Variants in CWC27 observed in about 807,000 individuals in gnomAD.
CWC27 encodes CWC27 spliceosome associated cyclophilin.
In CWC27, 47 loss-of-function variants were observed where a neutral mutation model predicts 63.6. The observed-to-expected ratio is 0.74, with a 90% CI of 0.58 to 0.94. The LOEUF is 0.94. CWC27 is among the 40% of genes least tolerant of loss of function. CWC27 has a pLI of 0.00. For missense variants in CWC27, 495 were observed against 554.3 expected, an observed-to-expected ratio of 0.89 and a Z score of 1.07; for synonymous variants, 175 against 179.8, an observed-to-expected ratio of 0.97 and a Z score of 0.22.
At chr5:65,004,327 C>A (rs1749787503) in intron 13 of CWC27, among the ~76,000 whole-genome samples, 2 of 148,824 alleles carry the variant, frequency 1.3e-5, no homozygotes, top group Non-Finnish European at 3.0e-5. Flanking sequence ...TTCTGAAATT[C>A]CCAGAATTCT....
rs1256641979 is a variant in CWC27 at position 64,847,522 on chromosome 5, CT to C, written c.939-37917del. Among the ~76,000 whole-genome samples, 11 of 152,286 alleles carry C rather than the reference CT, an allele frequency of 7.2e-5. No individual in the cohort carries two copies. The East Asian group carries it at 2.1e-3, about 29-fold the overall frequency. The stretch of plus-strand genomic sequence containing the variant: ...AAGGAAACACTGGACTGTAACAATA[CT>C]TTTGACCAAAGGGACCTCACAGACA... On this transcript the variant is annotated intron_variant, in intron 10 of 13. Coordinates refer to ENST00000381070, the MANE Select transcript of CWC27 (RefSeq NM_005869.4).
intron 10 of CWC27, among the ~76,000 whole-genome samples, chr5:64,858,553 G>A (rs944917703): frequency 6.6e-5 from 10 of 151,750 alleles, no homozygotes; most frequent in Non-Finnish European, 1.2e-4. Flanking sequence ...TAAAAGATTT[G>A]TATCTAGAAT....
At chr5:64,848,860 GA>G (rs1431954201) in intron 10 of CWC27, among the ~76,000 whole-genome samples, 1 of 152,132 alleles carries the variant, frequency 6.6e-6, no homozygotes, top group Non-Finnish European at 1.5e-5. Flanking sequence ...CCATGTAAGA[GA>G]AGCCTACAGC....
chr5:64,928,451 C>G (rs892526165), intron 11 of CWC27, among the ~76,000 whole-genome samples: 2 of 152,124 alleles, frequency 1.3e-5, no homozygotes, highest in Non-Finnish European at 2.9e-5. Context: ...CTAAAGACTT[C>G]AAATAAACTT....
chr5:64,851,739 A>G (rs1455974344), intron 10 of CWC27, among the ~76,000 whole-genome samples: 3 of 152,172 alleles, frequency 2.0e-5, no homozygotes, highest in African/African-American at 7.2e-5. Flanking sequence ...ACTTAGCTAT[A>G]TGATTTAATT....
intron 12 of CWC27, among the ~76,000 whole-genome samples, chr5:64,976,258 C>G (rs76280507): frequency 1.3e-5 from 2 of 151,954 alleles, no homozygotes; most frequent in African/African-American, 4.8e-5. Context: ...TCTATCGTCC[C>G]AGGATAGGAA....
chr5:64,843,087 G>C (rs1745887000), intron 10 of CWC27, among the ~76,000 whole-genome samples: 1 of 152,178 alleles, frequency 6.6e-6, no homozygotes, highest in Admixed American at 6.5e-5. Flanking sequence ...TGATTTATCT[G>C]TGTTTTTCTA....
chr5:65,009,521 A>G lies in CWC27; in HGVS notation c.1257-8638A>G, dbSNP rs751779852. 1.7e-4 allele frequency among the ~76,000 whole-genome samples: 26 copies of G among 152,342 alleles called. No individual in the cohort carries two copies. In the South Asian group the frequency reaches 2.7e-3, roughly 16 times the overall value. ...TCATATGTTGAAGCTCTAACTGCCA[A>G]TATGATGGTATTTGGAGGTGGGGCC... On this transcript the variant is annotated intron_variant, in intron 13 of 13. Transcript: ENST00000381070.
At chr5:65,004,401 T>TC (rs1554030511) in intron 13 of CWC27, among the ~76,000 whole-genome samples, 3 of 112,358 alleles carry the variant, frequency 2.7e-5, no homozygotes, top group African/African-American at 1.1e-4. Flanking sequence ...TTTTTTTTGG[T>TC]GGGGGGGTGG....
chr5:64,971,419 A>T (rs769904594), intron 11 of CWC27, among the ~76,000 whole-genome samples: 2 of 152,204 alleles, frequency 1.3e-5, no homozygotes, highest in Admixed American at 6.5e-5. Context: ...AGTGAGATAG[A>T]TGATTTTATA....
intron 12 of CWC27, among the ~76,000 whole-genome samples, chr5:64,974,635 A>G (rs1011744508): frequency 1.3e-5 from 2 of 152,208 alleles, no homozygotes; most frequent in African/African-American, 4.8e-5. Flanking sequence ...CATATCATAT[A>G]GATTAAATAG....
chr5:64,924,481 G>A (rs1187572858), intron 11 of CWC27, among the ~76,000 whole-genome samples: 1 of 152,152 alleles, frequency 6.6e-6, no homozygotes, highest in African/African-American at 2.4e-5. Flanking sequence ...TGTAATCTAC[G>A]TCTCTGTTTG....
At position 64,776,068 on chromosome 5, in the gene CWC27, C is replaced by CGAGA. The variant is rs70983650; in HGVS notation, c.139+1332_139+1335dup. The stretch of plus-strand genomic sequence containing the variant: ...AAGAGAGAGGTGGGGAGGAGTGGAG[C>CGAGA]GAGAGAGAGAGAGAGAGAGAGAGAG... On this transcript the variant is annotated intron_variant, in intron 2 of 13. Coordinates refer to ENST00000381070, the MANE Select transcript of CWC27 (RefSeq NM_005869.4). Among the ~76,000 whole-genome samples, 809 of 108,574 alleles carry CGAGA rather than the reference C, an allele frequency of 7.5e-3. 20 individuals carry two copies. Among genetic ancestry groups the CGAGA allele is most frequent in the African/African-American group, 0.012 (310 of 26,594 alleles). The allele number at this position is 108,574 out of a possible 152,430, so 71.2% of individuals were successfully genotyped here.
At chr5:64,889,698 A>G (rs1747177092) in intron 11 of CWC27, among the ~76,000 whole-genome samples, 1 of 152,178 alleles carries the variant, frequency 6.6e-6, no homozygotes, top group Admixed American at 6.5e-5. Context: ...TTGAATATAG[A>G]ATTTGCAGTA....
At chr5:64,772,624 CAAAAAAAAA>C (rs58675990) in intron 1 of CWC27, among the ~76,000 whole-genome samples, 869 of 51,990 alleles carry the variant, frequency 0.017, 8 homozygotes, top group African/African-American at 0.058. Flanking sequence ...GACTCTGTCT[CAAAAAAAAA>C]AAAAAAAAAA....
At chr5:65,004,909 T>A (rs10040133) in intron 13 of CWC27, among the ~76,000 whole-genome samples, 3 of 65,076 alleles carry the variant, frequency 4.6e-5, no homozygotes, top group Admixed American at 2.4e-4. Context: ...TATATATACA[T>A]ACACACACAC....
At position 64,840,943 on chromosome 5, in the gene CWC27, A is replaced by G. The variant is rs1745819011; in HGVS notation, c.938+36557A>G. Among the ~76,000 whole-genome samples the G allele has an allele frequency of 2.0e-5, 3 of 152,214 alleles. No individual in the cohort carries two copies. The South Asian group carries it at 6.2e-4, about 32-fold the overall frequency. ...GTGGGGACTGACACATTGTGAAGGT[A>G]GAAAAGCATGCTATAGCTATCTCAA... is the stretch of plus-strand genomic sequence containing the variant. On this transcript the variant is annotated intron_variant, in intron 10 of 13. Coordinates refer to ENST00000381070, the MANE Select transcript of CWC27 (RefSeq NM_005869.4).
At chr5:64,869,594 C>T (rs770539529) in intron 10 of CWC27, among the ~76,000 whole-genome samples, 31 of 152,208 alleles carry the variant, frequency 2.0e-4, no homozygotes, top group Admixed American at 1.8e-3. Context: ...TCAGCTCTTG[C>T]ATCCAGTCAC....
chr5:64,822,115 G>C (rs182269884), intron 10 of CWC27, among the ~76,000 whole-genome samples: 1 of 152,288 alleles, frequency 6.6e-6, no homozygotes, highest in East Asian at 1.9e-4. Flanking sequence ...TACATGATTA[G>C]GGTTTGTTTT....
Sources: allele counts gnomAD v4.1 joint callset (sites outside exome capture counted in the v4.1 genomes callset), GRCh38; gene constraint gnomAD v4.1.1; transcripts MANE v1.5; gene names NCBI Gene and HGNC (gene_info 2026-07-23, HGNC 2026-07-21).